Variants in COLEC11 observed in about 807,000 individuals in gnomAD.
COLEC11 encodes collectin subfamily member 11, also known as collectin-11.
Under a neutral mutation model 27.3 loss-of-function variants are expected in COLEC11, and 20 were observed. The observed-to-expected ratio is 0.73, with a 90% CI of 0.51 to 1.06. The LOEUF is 1.06. COLEC11 is among the 50% of genes least tolerant of loss of function. The pLI is 0.00. For synonymous variants in COLEC11, 163 were observed against 154.7 expected (o/e 1.05, Z -0.40); for missense variants, 310 against 383.0 (o/e 0.81, Z 1.59).
In COLEC11 at chr2:3,643,460, C is replaced by T. The variant is rs544069491; in HGVS notation, c.345C>T (p.Cys115=). ...PNGEPGLPCE[C]SQLRKAIGEM... ...CCCCCGCAGGCCTCCCATGTGAGTG[C>T]AGCCAGCTGCGCAAGGCCATCGGGG... is the stretch of plus-strand genomic sequence containing the variant. Residue 115 remains cysteine, a synonymous_variant, in exon 6 of 7, where the codon TGC becomes TGT. Coordinates refer to ENST00000349077, the MANE Select transcript of COLEC11 (RefSeq NM_024027.5). 4.2e-5 allele frequency: 68 copies of T among 1,613,672 alleles called. 1 individual carries two copies. The Middle Eastern group carries it at 9.9e-4, about 23-fold the overall frequency.
intron 2 of COLEC11, chr2:3,605,060 A>G (rs1023280942): frequency 2.1e-6 from 1 of 471,038 alleles, no homozygotes; most frequent in South Asian, 1.5e-5. Context: ...AGGCTGCGGT[A>G]TCTGAAGCCT....
intron 3 of COLEC11, among the ~76,000 whole-genome samples, chr2:3,629,817 G>A (rs1052291957): frequency 6.6e-6 from 1 of 152,102 alleles, no homozygotes; most frequent in African/African-American, 2.4e-5. Context: ...TGAATTCCAA[G>A]TGCTCTTACA....
intron 3 of COLEC11, among the ~76,000 whole-genome samples, chr2:3,628,239 TCC>T (rs35529155): frequency 2.0e-5 from 3 of 152,110 alleles, no homozygotes; most frequent in Non-Finnish European, 2.9e-5. Flanking sequence ...CATCCTCCCT[TCC>T]CCAGGTGAAG....
chr2:3,610,179 G>C (rs1276904068), intron 2 of COLEC11, among the ~76,000 whole-genome samples: 3 of 152,228 alleles, frequency 2.0e-5, no homozygotes, highest in African/African-American at 7.2e-5. Flanking sequence ...ATCCCAGCTT[G>C]GACATGTCAC....
At chr2:3,638,137 C>T (rs943075063) in intron 4 of COLEC11, among the ~76,000 whole-genome samples, 1 of 152,248 alleles carries the variant, frequency 6.6e-6, no homozygotes, top group Non-Finnish European at 1.5e-5. Context: ...GTCTCCGCTG[C>T]TGCATTTGGC....
Position 3,644,628 on chromosome 2 carries a change from A to G in COLEC11, c.*510A>G, listed in dbSNP as rs1296560986. ...CCCAGATTTCAGGAAAACAACAACA[A>G]AATTCTCCAAACTTTACTACTAAAT... On this transcript the variant is annotated 3_prime_UTR_variant, in exon 7 of 7. Coordinates refer to ENST00000349077, the MANE Select transcript of COLEC11 (RefSeq NM_024027.5). 1.1e-5 allele frequency: 4 copies of G among 359,770 alleles called. No homozygotes were observed. Among genetic ancestry groups the G allele is most frequent in the Non-Finnish European group, 2.2e-5 (4 of 184,418 alleles). 22.3% of individuals were successfully genotyped at this position (359,770 alleles called of 1,614,324 possible). A position where few individuals can be genotyped will look rare whatever the true frequency, so the allele number is the denominator to read the frequency against.
chr2:3,614,315 C>T (rs914871383), intron 3 of COLEC11, among the ~76,000 whole-genome samples: 2 of 152,038 alleles, frequency 1.3e-5, no homozygotes, highest in African/African-American at 2.4e-5. Flanking sequence ...GCCAACCCCC[C>T]AACCAATCTT....
intron 5 of COLEC11, among the ~76,000 whole-genome samples, chr2:3,640,992 C>T (rs558081922): frequency 0.014 from 1,684 of 116,892 alleles, 19 homozygotes; most frequent in African/African-American, 0.023. Context: ...TGGACACCCA[C>T]CCACCATGTA....
At chr2:3,624,442 C>G (rs573905609) in intron 3 of COLEC11, among the ~76,000 whole-genome samples, 1 of 152,320 alleles carries the variant, frequency 6.6e-6, no homozygotes, top group African/African-American at 2.4e-5. Context: ...AACTTCTCCT[C>G]CATGTCAGTC....
chr2:3,610,631 G>C (rs1362213216), intron 2 of COLEC11, among the ~76,000 whole-genome samples: 1 of 152,134 alleles, frequency 6.6e-6, no homozygotes, highest in African/African-American at 2.4e-5. Flanking sequence ...CGGGCTCGTG[G>C]CTCGCTCTGC....
rs542171385 is a variant in COLEC11, at chr2:3,602,749, C to G, written c.-26-1566C>G. The stretch of plus-strand genomic sequence containing the variant: ...TCTCCTGTCCTCTGTGCCCACCAGG[C>G]CAGCCCACCTCTCCCCGCACTGTCC... On this transcript the variant is annotated intron_variant, in intron 1 of 6. Transcript: ENST00000349077. This position sits in a 1 kb window ranked among gnomAD's most constrained non-coding sequence, Gnocchi z 6.2. Among the ~76,000 whole-genome samples, 1 of 152,366 alleles carries G rather than the reference C, an allele frequency of 6.6e-6. No homozygotes were observed. Among genetic ancestry groups the G allele is most frequent in the East Asian group, 1.9e-4 (1 of 5,188 alleles).
In COLEC11 at chr2:3,625,056, ACT is replaced by A. The variant is rs202041055; in HGVS notation, c.202+11677_202+11678del. Among the ~76,000 whole-genome samples, 827 of 152,260 alleles carry A rather than the reference ACT, an allele frequency of 5.4e-3. 10 individuals are homozygous for A. Among genetic ancestry groups the A allele is most frequent in the African/African-American group, 0.019 (799 of 41,524 alleles). On this transcript the variant is annotated intron_variant, in intron 3 of 6. Transcript: ENST00000349077. Reference sequence around the variant, plus strand: ...GAGATATGGGGTTAAAGTCTGATAGACTCTTTTCATTTCTACCTCTTAAAGAA... The same window carrying A: ...GAGATATGGGGTTAAAGTCTGATAGACTTTTCATTTCTACCTCTTAAAGAA...
chr2:3,631,317 C>T (rs925235426), intron 3 of COLEC11, among the ~76,000 whole-genome samples: 6 of 152,148 alleles, frequency 3.9e-5, no homozygotes, highest in Admixed American at 1.3e-4. Flanking sequence ...TGGCCGAGAG[C>T]GAAGGTCATG....
intron 3 of COLEC11, among the ~76,000 whole-genome samples, chr2:3,626,856 G>T (rs963904160): frequency 6.6e-6 from 1 of 152,322 alleles, no homozygotes; most frequent in Admixed American, 6.5e-5. Context: ...TGGGCGCTCT[G>T]CCTGTGTGGT....
chr2:3,600,687 G>A (rs1445323246), intron 1 of COLEC11, among the ~76,000 whole-genome samples: 1 of 152,210 alleles, frequency 6.6e-6, no homozygotes, highest in Admixed American at 6.5e-5. Context: ...GGGGCTTTGG[G>A]GCCGGTGAGG....
chr2:3,622,452 T>G (rs922511049), intron 3 of COLEC11, among the ~76,000 whole-genome samples: 2 of 152,256 alleles, frequency 1.3e-5, no homozygotes, highest in African/African-American at 4.8e-5. Context: ...CAGAGTATTC[T>G]GAATTTGACT....
intron 3 of COLEC11, among the ~76,000 whole-genome samples, chr2:3,623,422 G>A (rs998108391): frequency 2.0e-5 from 3 of 152,124 alleles, no homozygotes; most frequent in African/African-American, 7.2e-5. Flanking sequence ...CTTCCATAAT[G>A]TGAATGTTAG....
chr2:3,620,315 C>T (rs1258065838), intron 3 of COLEC11, among the ~76,000 whole-genome samples: 1 of 151,862 alleles, frequency 6.6e-6, no homozygotes, highest in Admixed American at 6.6e-5. Flanking sequence ...TTATCCATTT[C>T]TTCTAGGTTA....
At position 3,631,230 on chromosome 2, in the gene COLEC11, C is replaced by CA. The variant is rs529421096; in HGVS notation, c.203-6293dup. The stretch of plus-strand genomic sequence containing the variant: ...TGCACGACAGAGCAAGACTCTGTAT[C>CA]AAAAAAAAAAGAAAAAATTAAAAAA... On this transcript the variant is annotated intron_variant, in intron 3 of 6. Coordinates refer to ENST00000349077, the MANE Select transcript of COLEC11 (RefSeq NM_024027.5). 7.7e-3 allele frequency among the ~76,000 whole-genome samples: 1,079 copies of CA among 139,728 alleles called. 5 individuals are homozygous for CA. The highest frequency in any genetic ancestry group is 0.015 in the Middle Eastern group (4 of 268). 91.7% of individuals were successfully genotyped at this position (139,728 alleles called of 152,430 possible).
Sources: allele counts gnomAD v4.1 joint callset (sites outside exome capture counted in the v4.1 genomes callset), GRCh38; gene constraint gnomAD v4.1.1; non-coding constraint Gnocchi (gnomAD v3.1); transcripts MANE v1.5; gene names NCBI Gene and HGNC (gene_info 2026-07-23, HGNC 2026-07-21).